The following CADPS variants were observed in gnomAD, a reference collection of about 807,000 sequenced individuals.
The protein encoded by CADPS is calcium-dependent secretion activator 1.
Under a neutral mutation model 167.3 loss-of-function variants are expected in CADPS, and 57 were observed. The observed-to-expected ratio is 0.34, with a 90% CI of 0.28 to 0.42. The LOEUF is 0.42. CADPS is among the 20% of genes least tolerant of loss of function. The pLI, the probability that CADPS is intolerant of heterozygous loss-of-function variation, is 1.00. For synonymous variants in CADPS, 676 were observed against 635.3 expected (o/e 1.06, Z -0.96); for missense variants, 1,414 against 1,738.1 (o/e 0.81, Z 3.32).
intron 29 of CADPS, among the ~76,000 whole-genome samples, chr3:62,400,530 T>A (rs1283912536): frequency 6.6e-6 from 1 of 151,970 alleles, no homozygotes; most frequent in Non-Finnish European, 1.5e-5. Context: ...ATAGGAAACT[T>A]GCTAAAGGGG....
intron 1 of CADPS, among the ~76,000 whole-genome samples, chr3:62,862,352 G>A (rs1463476941): frequency 1.3e-5 from 2 of 151,756 alleles, no homozygotes; most frequent in East Asian, 3.9e-4. Context: ...GAGTAGCTGG[G>A]GTTACAGGCA....
chr3:62,612,855 A>G (rs2149327585), intron 6 of CADPS, among the ~76,000 whole-genome samples: 1 of 152,336 alleles, frequency 6.6e-6, no homozygotes, highest in South Asian at 2.1e-4. Context: ...TCTCCAATCC[A>G]TAGTGAGCAC....
intron 28 of CADPS, among the ~76,000 whole-genome samples, chr3:62,416,787 C>T (rs2050144847): frequency 6.6e-6 from 1 of 151,948 alleles, no homozygotes; most frequent in South Asian, 2.1e-4. Flanking sequence ...TTTCAGTGGG[C>T]TAAACACAGA....
chr3:62,697,103 A>C (rs1017239465), intron 3 of CADPS, among the ~76,000 whole-genome samples: 19 of 152,034 alleles, frequency 1.2e-4, no homozygotes, highest in Non-Finnish European at 5.9e-5. Flanking sequence ...AAATTACTTA[A>C]ATATAGTTTT....
chr3:62,609,134 C>G (rs966854293), intron 6 of CADPS, among the ~76,000 whole-genome samples: 1 of 152,142 alleles, frequency 6.6e-6, no homozygotes, highest in African/African-American at 2.4e-5. Flanking sequence ...TTCTTTAACC[C>G]CTGGGGTAGA....
rs1425466478 is a variant in CADPS at position 62,602,545 on chromosome 3, C to G, written c.1326-9797G>C. Among the ~76,000 whole-genome samples, 1 of 152,154 alleles carries G rather than the reference C, an allele frequency of 6.6e-6. No homozygotes were observed. Among genetic ancestry groups the G allele is most frequent in the Non-Finnish European group, 1.5e-5 (1 of 68,038 alleles). ...TGTGGCCTGCCTTTGAGGTGGACTG[C>G]ATGATATTCCACTCCAAGGGAATCA... On this transcript the variant is annotated intron_variant, in intron 6 of 29. Coordinates refer to ENST00000383710, the MANE Select transcript of CADPS (RefSeq NM_003716.4). This position sits in a 1 kb window ranked among gnomAD's most constrained non-coding sequence, Gnocchi z 4.4.
At chr3:62,522,714 T>C (rs2070996958) in intron 13 of CADPS, among the ~76,000 whole-genome samples, 1 of 152,218 alleles carries the variant, frequency 6.6e-6, no homozygotes, top group African/African-American at 2.4e-5. Context: ...TGAACTTAGC[T>C]TTAGAAACAC....
intron 17 of CADPS, among the ~76,000 whole-genome samples, chr3:62,506,385 C>T (rs2066693824): frequency 6.6e-6 from 1 of 151,998 alleles, no homozygotes; most frequent in South Asian, 2.1e-4. Context: ...AAGACTCCGT[C>T]TCAAAAAACA....
intron 6 of CADPS, among the ~76,000 whole-genome samples, chr3:62,603,814 G>A (rs776773505): frequency 6.6e-6 from 1 of 151,768 alleles, no homozygotes; most frequent in African/African-American, 2.4e-5. Context: ...TGGTTCTGAT[G>A]CTTGCTATCT....
At chr3:62,822,755 C>T (rs560524331) in intron 1 of CADPS, among the ~76,000 whole-genome samples, 33 of 152,080 alleles carry the variant, frequency 2.2e-4, no homozygotes, top group Admixed American at 1.5e-3. Flanking sequence ...AGTAGGAGAA[C>T]GGCTTGAACC....
chr3:62,749,682 C>T (rs2082264675), intron 3 of CADPS, among the ~76,000 whole-genome samples: 1 of 152,208 alleles, frequency 6.6e-6, no homozygotes, highest in Non-Finnish European at 1.5e-5. Context: ...GATGGTAAGG[C>T]ATGACAGGTA....
chr3:62,468,486 A>G (rs2060201186), intron 24 of CADPS, among the ~76,000 whole-genome samples: 1 of 152,194 alleles, frequency 6.6e-6, no homozygotes, highest in African/African-American at 2.4e-5. Context: ...CCACACACCA[A>G]CAAAGATTTA....
intron 9 of CADPS, among the ~76,000 whole-genome samples, chr3:62,569,251 C>T (rs895830743): frequency 6.6e-6 from 1 of 152,148 alleles, no homozygotes; most frequent in Non-Finnish European, 1.5e-5. Context: ...CAAGCATGCA[C>T]CACCATACCC....
chr3:62,601,097 C>T lies in CADPS; in HGVS notation c.1326-8349G>A, dbSNP rs574015694. On this transcript the variant is annotated intron_variant, in intron 6 of 29. Transcript: ENST00000383710. The surrounding 1 kb of genome is among the most constrained non-coding windows in gnomAD (Gnocchi z 4.3). ...TAAGTCTTCATTTTAGGATTATAGA[C>T]CAGGGGTTGTTAAACTATGGCCATG... Among the ~76,000 whole-genome samples, 1 of 152,178 alleles carries T rather than the reference C, an allele frequency of 6.6e-6. No homozygotes were observed. The highest frequency in any genetic ancestry group is 1.9e-4 in the East Asian group (1 of 5,164).
At chr3:62,690,089 C>G (rs973216087) in intron 3 of CADPS, among the ~76,000 whole-genome samples, 1 of 151,904 alleles carries the variant, frequency 6.6e-6, no homozygotes, top group Non-Finnish European at 1.5e-5. Context: ...GTGTGTTTGA[C>G]TGTACTGGGC....
intron 24 of CADPS, chr3:62,467,298 C>T (rs1306277265): frequency 1.6e-6 from 2 of 1,253,358 alleles, no homozygotes; most frequent in African/African-American, 1.6e-5. Flanking sequence ...ATGCACTTAC[C>T]CACATTTTAG....
intron 17 of CADPS, 24 bp from the exon 18 acceptor site, chr3:62,499,292 A>C (rs2065317133): frequency 1.3e-6 from 2 of 1,500,196 alleles, no homozygotes; most frequent in Non-Finnish European, 9.3e-7. Context: ...GTTTGTGTTA[A>C]AATTCAGCGA....
At chr3:62,656,234 A>G (rs1053613142) in intron 4 of CADPS, among the ~76,000 whole-genome samples, 6 of 152,120 alleles carry the variant, frequency 3.9e-5, no homozygotes, top group African/African-American at 1.4e-4. Context: ...ACAAACAACA[A>G]TAGTACTAAT....
chr3:62,802,085 C>T (rs1441134796), intron 1 of CADPS, among the ~76,000 whole-genome samples: 3 of 152,128 alleles, frequency 2.0e-5, no homozygotes, highest in Admixed American at 2.0e-4. Flanking sequence ...CAGCAAAAGT[C>T]TGTTCTGTGT....
Sources: gnomAD v4.1 joint callset for allele counts (sites outside exome capture counted in the v4.1 genomes callset) on GRCh38, gnomAD v4.1.1 for gene constraint, Gnocchi (gnomAD v3.1) non-coding constraint, MANE v1.5 for transcripts, NCBI Gene and HGNC (gene_info 2026-07-23, HGNC 2026-07-21) for gene names.